SLX4IP: variants seen among roughly 807,000 people sequenced by gnomAD.
SLX4IP encodes the protein SLX4 interacting protein.
Under a neutral mutation model 32.9 loss-of-function variants are expected in SLX4IP, and 34 were observed. That is an observed-to-expected ratio of 1.03 (90% CI 0.79 to 1.38). The LOEUF is 1.38. Among genes scored for constraint, SLX4IP ranks in the 40% most tolerant of loss-of-function variants. The pLI is 0.00. For missense variants in SLX4IP, 444 were observed against 479.0 expected (o/e 0.93, Z 0.68); for synonymous variants, 172 against 171.7 (o/e 1.00, Z -0.01).
chr20:10,475,263 AG>A (rs2065465957), intron 2 of SLX4IP, among the ~76,000 whole-genome samples: 1 of 152,192 alleles, frequency 6.6e-6, no homozygotes, highest in East Asian at 1.9e-4. Context: ...CAGCTCCTTC[AG>A]TGATGAGATG....
At chr20:10,614,241 A>G in intron 6 of SLX4IP, 2 of 617,820 alleles carry the variant, frequency 3.2e-6, no homozygotes, top group Admixed American at 5.8e-5. Context: ...GTACATAACC[A>G]TGAGAAAACA....
chr20:10,558,492 A>C, intron 3 of SLX4IP, among the ~76,000 whole-genome samples: 1 of 152,228 alleles, frequency 6.6e-6, no homozygotes, highest in East Asian at 1.9e-4. Flanking sequence ...CTTTATCCTT[A>C]GATCCTCTCA....
chr20:10,590,062 T>C (rs1329886575), intron 4 of SLX4IP, among the ~76,000 whole-genome samples: 2 of 152,202 alleles, frequency 1.3e-5, no homozygotes, highest in Non-Finnish European at 2.9e-5. Context: ...TTGTGATATT[T>C]GACTGGAATT....
At chr20:10,493,267 A>AG (rs1342203394) in intron 2 of SLX4IP, among the ~76,000 whole-genome samples, 1 of 152,158 alleles carries the variant, frequency 6.6e-6, no homozygotes, top group African/African-American at 2.4e-5. Flanking sequence ...TATGATTCTG[A>AG]GTCTTGTCTT....
At chr20:10,485,553 T>A (rs925839314) in intron 2 of SLX4IP, among the ~76,000 whole-genome samples, 2 of 151,164 alleles carry the variant, frequency 1.3e-5, no homozygotes, top group African/African-American at 2.4e-5. Context: ...GGAGGTGGAG[T>A]TTGCATTGAG....
At chr20:10,484,609 A>G (rs572733619) in intron 2 of SLX4IP, among the ~76,000 whole-genome samples, 1 of 152,276 alleles carries the variant, frequency 6.6e-6, no homozygotes, top group South Asian at 2.1e-4. Context: ...AATTCGTTTC[A>G]CATCTCCAGT....
intron 6 of SLX4IP, among the ~76,000 whole-genome samples, chr20:10,607,722 A>G (rs1023909078): frequency 6.6e-6 from 1 of 152,064 alleles, no homozygotes; most frequent in South Asian, 2.1e-4. Context: ...GAGGATGAAG[A>G]TGTCCTCTGT....
intron 1 of SLX4IP, among the ~76,000 whole-genome samples, chr20:10,451,445 C>A (rs2065241434): frequency 6.6e-6 from 1 of 151,958 alleles, no homozygotes; most frequent in African/African-American, 2.4e-5. Flanking sequence ...CAGGTGTGAA[C>A]CACCGCGCCT....
intron 6 of SLX4IP, among the ~76,000 whole-genome samples, chr20:10,620,400 T>C (rs945865577): frequency 5.9e-5 from 9 of 152,180 alleles, no homozygotes; most frequent in African/African-American, 2.2e-4. Context: ...AAAGGCTAGA[T>C]AGGCAGATAA....
At chr20:10,496,252 C>T (rs1386210672) in intron 2 of SLX4IP, among the ~76,000 whole-genome samples, 1 of 152,108 alleles carries the variant, frequency 6.6e-6, no homozygotes, top group Non-Finnish European at 1.5e-5. Context: ...GGGTATCCAT[C>T]ACCCGAGCAT....
intron 1 of SLX4IP, among the ~76,000 whole-genome samples, chr20:10,448,342 T>C (rs1021222718): frequency 6.6e-6 from 1 of 152,186 alleles, no homozygotes; most frequent in African/African-American, 2.4e-5. Flanking sequence ...GAATAGACTA[T>C]AGTGGTCAAC....
intron 2 of SLX4IP, among the ~76,000 whole-genome samples, chr20:10,551,754 C>T (rs983397124): frequency 6.6e-6 from 1 of 152,168 alleles, no homozygotes; most frequent in Non-Finnish European, 1.5e-5. Flanking sequence ...CATAGGATCT[C>T]AACAAGCATG....
chr20:10,525,861 G>C (rs566940768), intron 2 of SLX4IP, among the ~76,000 whole-genome samples: 1 of 152,186 alleles, frequency 6.6e-6, no homozygotes, highest in East Asian at 1.9e-4. Flanking sequence ...ACCTTCCACT[G>C]TCTTGACTTA....
intron 4 of SLX4IP, among the ~76,000 whole-genome samples, chr20:10,595,014 A>G (rs2066753061): frequency 6.6e-6 from 1 of 152,130 alleles, no homozygotes; most frequent in South Asian, 2.1e-4. Flanking sequence ...GGTTGTTTGT[A>G]GAAGGATAAG....
At chr20:10,488,050 G>C (rs554603249) in intron 2 of SLX4IP, among the ~76,000 whole-genome samples, 1 of 137,024 alleles carries the variant, frequency 7.3e-6, no homozygotes, top group East Asian at 2.1e-4. Flanking sequence ...AAAGGCCACT[G>C]TCATGCATTG....
intron 2 of SLX4IP, among the ~76,000 whole-genome samples, chr20:10,546,668 T>C (rs1348296015): frequency 6.6e-6 from 1 of 152,222 alleles, no homozygotes; most frequent in Non-Finnish European, 1.5e-5. Flanking sequence ...TTTTCATTGC[T>C]ATCTCCATTT....
chr20:10,541,391 T>C lies in SLX4IP; in HGVS notation c.28-14840T>C, dbSNP rs192556875. ...CCCAATGTTGCTTGCCCTTTGTGGT[T>C]TTAGTCTCTCACTAAAATAATAGAA... On this transcript the variant is annotated intron_variant, in intron 2 of 7. Transcript: ENST00000334534. 2.0e-5 allele frequency among the ~76,000 whole-genome samples: 3 copies of C among 152,330 alleles called. No homozygotes were observed. In the East Asian group the frequency reaches 5.8e-4, roughly 29 times the overall value.
rs141203466 is a variant in SLX4IP at position 10,494,293 on chromosome 20, G to T, written c.27+36062G>T. Among the ~76,000 whole-genome samples the T allele has an allele frequency of 6.5e-3, 981 of 151,488 alleles. 12 individuals carry two copies. Among genetic ancestry groups the T allele is most frequent in the African/African-American group, 0.022 (924 of 41,402 alleles). Reference sequence around the variant, plus strand: ...AAAACTCTCTCGTGAAACTGCCTGGGCCTGTGGTTCTAGGGCGGAGGATGG... The same window carrying T: ...AAAACTCTCTCGTGAAACTGCCTGGTCCTGTGGTTCTAGGGCGGAGGATGG... On this transcript the variant is annotated intron_variant, in intron 2 of 7. Coordinates refer to ENST00000334534, the MANE Select transcript of SLX4IP (RefSeq NM_001009608.3).
chr20:10,480,194 ACCAGC>A, intron 2 of SLX4IP, among the ~76,000 whole-genome samples: 1 of 152,224 alleles, frequency 6.6e-6, no homozygotes, highest in African/African-American at 2.4e-5. Flanking sequence ...GGAGTCTGAG[ACCAGC>A]CTGGGCAACA....
Sources: allele counts gnomAD v4.1 joint callset (sites outside exome capture counted in the v4.1 genomes callset), GRCh38; gene constraint gnomAD v4.1.1; transcripts MANE v1.5; gene names NCBI Gene and HGNC (gene_info 2026-07-23, HGNC 2026-07-21).